The following KLHL1 variants were observed in gnomAD, a reference collection of about 807,000 sequenced individuals.
KLHL1 encodes the protein kelch like family member 1.
A neutral mutation model predicts 77.7 loss-of-function variants in KLHL1; 47 were observed. The observed-to-expected ratio is 0.60, with a 90% CI of 0.48 to 0.77. KLHL1 has a LOEUF of 0.77. KLHL1 is among the 30% of genes least tolerant of loss of function. The pLI is 0.00. For missense variants in KLHL1, 925 were observed against 910.8 expected (o/e 1.02, Z -0.20); for synonymous variants, 360 against 325.2 (o/e 1.11, Z -1.15).
At chr13:69,957,957 A>G (rs568223364) in intron 3 of KLHL1, among the ~76,000 whole-genome samples, 1 of 151,992 alleles carries the variant, frequency 6.6e-6, no homozygotes, top group African/African-American at 2.4e-5. Flanking sequence ...CAATGTGGGA[A>G]AAACTGAACT....
chr13:69,820,246 A>T (rs1442222893), intron 6 of KLHL1, among the ~76,000 whole-genome samples: 1 of 152,164 alleles, frequency 6.6e-6, no homozygotes, highest in Non-Finnish European at 1.5e-5. Context: ...CTTATGGTTT[A>T]GTTAAGTAAC....
intron 1 of KLHL1, among the ~76,000 whole-genome samples, chr13:70,036,513 A>G (rs772296564): frequency 7.9e-5 from 12 of 151,938 alleles, no homozygotes; most frequent in Non-Finnish European, 1.3e-4. Flanking sequence ...TAGTACACAT[A>G]CGTATGTGTG....
chr13:69,785,746 C>CGAT (rs1876504489), intron 7 of KLHL1, among the ~76,000 whole-genome samples: 1 of 151,832 alleles, frequency 6.6e-6, no homozygotes, highest in African/African-American at 2.4e-5. Flanking sequence ...TCAACAAAAT[C>CGAT]GATAGACTGC....
intron 5 of KLHL1, among the ~76,000 whole-genome samples, chr13:69,881,420 G>A (rs1880983671): frequency 6.6e-6 from 1 of 151,958 alleles, no homozygotes; most frequent in Non-Finnish European, 1.5e-5. Context: ...ATTCAAATGA[G>A]GAATCTGGTG....
At chr13:70,020,917 G>A (rs952124874) in intron 1 of KLHL1, among the ~76,000 whole-genome samples, 2 of 151,930 alleles carry the variant, frequency 1.3e-5, no homozygotes, top group Non-Finnish European at 2.9e-5. Flanking sequence ...TGAGTAGAAG[G>A]TACAAGTTTT....
intron 1 of KLHL1, among the ~76,000 whole-genome samples, chr13:70,051,484 T>C (rs1886628033): frequency 6.6e-6 from 1 of 152,074 alleles, no homozygotes; most frequent in African/African-American, 2.4e-5. Context: ...ATGCAGCACA[T>C]AATTGATATT....
chr13:69,721,079 A>ATATATATATATATACATATAT (rs1555300737), intron 8 of KLHL1, among the ~76,000 whole-genome samples: 1 of 67,574 alleles, frequency 1.5e-5, no homozygotes, highest in Non-Finnish European at 3.5e-5. Context: ...ATATATATAT[A>ATATATATATATATACATATAT]AAGCTATGTA....
At chr13:69,724,713 A>G (rs1034726853) in intron 8 of KLHL1, among the ~76,000 whole-genome samples, 1 of 152,156 alleles carries the variant, frequency 6.6e-6, no homozygotes, top group African/African-American at 2.4e-5. Flanking sequence ...AAAGCCATAC[A>G]TACACCACAT....
intron 4 of KLHL1, among the ~76,000 whole-genome samples, chr13:69,887,488 A>G (rs1236233965): frequency 2.0e-5 from 3 of 151,890 alleles, no homozygotes; most frequent in Admixed American, 6.6e-5. Flanking sequence ...ATTCATTTCC[A>G]TTTTCTTGAA....
chr13:69,753,832 G>GAAAT (rs138460521), intron 7 of KLHL1, among the ~76,000 whole-genome samples: 56,897 of 151,182 alleles, frequency 0.38, 10,910 homozygotes, highest in Non-Finnish European at 0.39. Context: ...TAATGGCATA[G>GAAAT]AAATAATTGA....
chr13:70,082,729 A>G (rs997259130), intron 1 of KLHL1, among the ~76,000 whole-genome samples: 4 of 152,192 alleles, frequency 2.6e-5, no homozygotes, highest in Non-Finnish European at 5.9e-5. Context: ...ACCCATGCCT[A>G]TCAACAGTGA....
intron 5 of KLHL1, among the ~76,000 whole-genome samples, chr13:69,844,745 A>C (rs553575433): frequency 5.3e-5 from 8 of 151,608 alleles, no homozygotes; most frequent in Non-Finnish European, 1.0e-4. Context: ...TTCAAGCAAT[A>C]AGGTTTTTCT....
rs114815452 is a variant in KLHL1, at chr13:69,757,092, T to C, written c.1640-16536A>G. 6.3e-3 allele frequency among the ~76,000 whole-genome samples: 965 copies of C among 152,234 alleles called. 9 individuals are homozygous for C. The highest frequency in any genetic ancestry group is 0.021 in the African/African-American group (876 of 41,552). On this transcript the variant is annotated intron_variant, in intron 7 of 10. Transcript: ENST00000377844. Reference sequence around the variant, plus strand: ...GTCTCTTCATTAGAATTCTGAGAAATTTTACCCAGTCCAAGCGATATGATC... The same window carrying C: ...GTCTCTTCATTAGAATTCTGAGAAACTTTACCCAGTCCAAGCGATATGATC...
At chr13:69,956,114 TGATA>T (rs1345813449) in intron 3 of KLHL1, among the ~76,000 whole-genome samples, 1 of 109,618 alleles carries the variant, frequency 9.1e-6, no homozygotes, top group East Asian at 3.8e-4. Flanking sequence ...TATTTATATT[TGATA>T]TATATATTTG....
intron 6 of KLHL1, among the ~76,000 whole-genome samples, chr13:69,817,200 T>C (rs903241170): frequency 1.3e-5 from 2 of 152,126 alleles, no homozygotes; most frequent in African/African-American, 4.8e-5. Context: ...CCAGAAAAGG[T>C]CTTCCATATA....
In KLHL1 at chr13:69,780,727, T is replaced by C. The variant is rs369936693; in HGVS notation, c.1639+16011A>G. ...GTATATATATATATGTATATATATA[T>C]ATATACATATATATATACATATATA... On this transcript the variant is annotated intron_variant, in intron 7 of 10. Coordinates refer to ENST00000377844, the MANE Select transcript of KLHL1 (RefSeq NM_020866.3). 1.3e-4 allele frequency among the ~76,000 whole-genome samples: 7 copies of C among 55,524 alleles called. No homozygotes were observed. In the South Asian group the frequency reaches 2.7e-3, roughly 21 times the overall value. The allele number at this position is 55,524 out of a possible 152,430, so 36.4% of individuals were successfully genotyped here.
At chr13:69,803,549 A>G (rs867301025) in intron 6 of KLHL1, among the ~76,000 whole-genome samples, 1 of 152,236 alleles carries the variant, frequency 6.6e-6, no homozygotes, top group Non-Finnish European at 1.5e-5. Flanking sequence ...ATATCAGTCC[A>G]TGAACGGCTA....
At chr13:69,837,646 G>C (rs12430159) in intron 6 of KLHL1, among the ~76,000 whole-genome samples, 1 of 128,086 alleles carries the variant, frequency 7.8e-6, no homozygotes. Context: ...ATATATATGT[G>C]TATATATATA....
chr13:69,715,536 T>C (rs886739764), intron 9 of KLHL1, among the ~76,000 whole-genome samples: 7 of 150,738 alleles, frequency 4.6e-5, no homozygotes, highest in African/African-American at 1.7e-4. Flanking sequence ...TTTTTTTTTT[T>C]TTGAGACGGA....
Sources: gnomAD v4.1 joint callset for allele counts (sites outside exome capture counted in the v4.1 genomes callset) on GRCh38, gnomAD v4.1.1 for gene constraint, MANE v1.5 for transcripts, NCBI Gene and HGNC (gene_info 2026-07-23, HGNC 2026-07-21) for gene names.